Variants in PRAP1 observed in about 807,000 individuals in gnomAD.
The protein encoded by PRAP1 is proline-rich acidic protein 1.
PRAP1 carries 12 observed loss-of-function variants against 14.6 expected under a neutral mutation model. The ratio of observed to expected loss-of-function variants is 0.82; its 90% CI spans 0.53 to 1.33. PRAP1 has a LOEUF of 1.33. Among genes scored for constraint, PRAP1 ranks in the 40% most tolerant of loss-of-function variants. PRAP1 has a pLI of 0.00. For synonymous variants in PRAP1, 81 were observed against 80.3 expected (o/e 1.01, Z -0.04); for missense variants, 160 against 193.7 (o/e 0.83, Z 1.03).
intron 2 of PRAP1, among the ~76,000 whole-genome samples, chr10:133,350,902 AGAGCAGCTGACAACTAAGGTTG>A: frequency 1.7e-3 from 1 of 602 alleles, no homozygotes; most frequent in Non-Finnish European, 3.5e-3. Flanking sequence ...GGCTGGGCTC[AGAGCAGCTGACAACTAAGGTTG>A]GCTGGGCTCA....
intron 1 of PRAP1, among the ~76,000 whole-genome samples, chr10:133,349,607 C>G (rs1483427304): frequency 2.0e-5 from 3 of 152,262 alleles, no homozygotes; most frequent in Admixed American, 1.3e-4. Context: ...CTGAGCCCCC[C>G]AGCCGTGGCC....
At chr10:133,349,978 C>T (rs753533913) in intron 1 of PRAP1, 117 bp from the exon 2 acceptor site, 34 of 820,552 alleles carry the variant, frequency 4.1e-5, no homozygotes, top group Non-Finnish European at 6.4e-5. Flanking sequence ...AGTAAAACTA[C>T]CTGCGCTCCC....
rs1054290004 is a variant in PRAP1 at position 133,351,841 on chromosome 10, G to A, written c.129-166G>A. On this transcript the variant is annotated intron_variant, in intron 3 of 4. Coordinates refer to ENST00000433452, the MANE Select transcript of PRAP1 (RefSeq NM_145202.5). This position sits in a 1 kb window ranked among gnomAD's most constrained non-coding sequence, Gnocchi z 4.3. The stretch of plus-strand genomic sequence containing the variant: ...AGGGACGTGGTGTGGAAGCCTGGCC[G>A]GGAGCACTGGGGGCCACTCATCACT... Among the ~76,000 whole-genome samples, 4 of 152,224 alleles carry A rather than the reference G, an allele frequency of 2.6e-5. No homozygotes were observed. Among genetic ancestry groups the A allele is most frequent in the African/African-American group, 7.2e-5 (3 of 41,446 alleles).
intron 1 of PRAP1, among the ~76,000 whole-genome samples, chr10:133,349,422 C>T (rs1848641594): frequency 6.6e-6 from 1 of 152,112 alleles, no homozygotes; most frequent in African/African-American, 2.4e-5. Flanking sequence ...CACACCCGAA[C>T]ACGACACCAC....
rs747531034 is a variant in PRAP1, at chr10:133,351,132, C to T, written c.76-249C>T. 5.3e-5 allele frequency among the ~76,000 whole-genome samples: 8 copies of T among 152,164 alleles called. No homozygotes were observed. Among genetic ancestry groups the T allele is most frequent in the East Asian group, 3.9e-4 (2 of 5,194 alleles). ...TCCCAGTCCTGTGCTGCCCCAGACC[C>T]GGCCAGAATTCCAGGCCAGCTGGTC... On this transcript the variant is annotated intron_variant, in intron 2 of 4. Transcript: ENST00000433452. The surrounding 1 kb of genome is among the most constrained non-coding windows in gnomAD (Gnocchi z 4.3).
chr10:133,348,743 G>A (rs1202304905), intron 1 of PRAP1, among the ~76,000 whole-genome samples: 1 of 149,880 alleles, frequency 6.7e-6, no homozygotes, highest in Non-Finnish European at 1.5e-5. Flanking sequence ...GGCCAGGCTG[G>A]TTTCGAATGC....
chr10:133,352,058 G>T lies in PRAP1; in HGVS notation c.180G>T (p.Val60=). ...CTCCGGAGAAGGACGACCAGCTGGT[G>T]GTGCTGTTCCCTGTCCAGAAGCCGA... The part of the protein sequence containing the change: ...VEPPEKDDQL[V]VLFPVQKPKL... Residue 60 remains valine (V), a synonymous_variant, in exon 4 of 5, where the codon GTG becomes GTT. Transcript: ENST00000433452. 1 of 1,613,030 alleles carries T rather than the reference G, an allele frequency of 6.2e-7. No homozygotes were observed. The highest frequency in any genetic ancestry group is 1.3e-5 in the African/African-American group (1 of 75,028).
chr10:133,349,662 C>G (rs974074268), intron 1 of PRAP1, among the ~76,000 whole-genome samples: 1 of 152,268 alleles, frequency 6.6e-6, no homozygotes, highest in South Asian at 2.1e-4. Context: ...CAGCAGCGTG[C>G]AGCCTCAGGG....
At chr10:133,349,342 C>T (rs1848639333) in intron 1 of PRAP1, among the ~76,000 whole-genome samples, 1 of 151,476 alleles carries the variant, frequency 6.6e-6, no homozygotes, top group African/African-American at 2.4e-5. Flanking sequence ...GCACACGCAC[C>T]CCCGAACTCA....
At position 133,352,614 on chromosome 10, in the gene PRAP1, A is replaced by T; in HGVS notation, c.*174A>T. The T allele has an allele frequency of 1.7e-6, 1 of 594,142 alleles. No individual in the cohort carries two copies. Among genetic ancestry groups the T allele is most frequent in the Non-Finnish European group, 3.0e-6 (1 of 333,492 alleles). The allele number at this position is 594,142 out of a possible 1,614,324, so 36.8% of individuals were successfully genotyped here. ...CGAGGCAGGCGGATCACCTGAAATC[A>T]GGAGTTCCAGACCAGCCTGGGCAAC... On this transcript the variant is annotated 3_prime_UTR_variant, in exon 5 of 5. Coordinates refer to ENST00000433452, the MANE Select transcript of PRAP1 (RefSeq NM_145202.5).
In PRAP1 at chr10:133,350,129, C is replaced by T; in HGVS notation, c.43C>T (p.Leu15=). The T allele has an allele frequency of 6.2e-7, 1 of 1,613,562 alleles. No individual in the cohort carries two copies. Among genetic ancestry groups the T allele is most frequent in the Non-Finnish European group, 8.5e-7 (1 of 1,179,820 alleles). Residue 15 remains leucine, a synonymous_variant, in exon 2 of 5, where the codon CTG becomes TTG. Coordinates refer to ENST00000433452, the MANE Select transcript of PRAP1 (RefSeq NM_145202.5). The part of the protein sequence containing the change: ...LLVTSLVVVL[L]WEAGAVPAPK... ...GGTCACCAGCCTGGTGGTTGTGCTG[C>T]TGTGGGAGGCAGGTGCAGTCCCAGC...
chr10:133,351,565 A>C lies in PRAP1; in HGVS notation c.128+132A>C. On this transcript the variant is annotated intron_variant, in intron 3 of 4. Transcript: ENST00000433452. This position sits in a 1 kb window ranked among gnomAD's most constrained non-coding sequence, Gnocchi z 4.3. ...GCCCTGTCCAGCAGCTTTTGGAAGGAGGGGGCACTCCAGCCTCATGGGCAT... is the reference window on the plus strand; with the variant it reads ...GCCCTGTCCAGCAGCTTTTGGAAGGCGGGGGCACTCCAGCCTCATGGGCAT... 1 of 710,996 alleles carries C rather than the reference A, an allele frequency of 1.4e-6. No individual in the cohort carries two copies. The highest frequency in any genetic ancestry group is 2.4e-6 in the Non-Finnish European group (1 of 417,504). 44.0% of individuals were successfully genotyped at this position (710,996 alleles called of 1,614,324 possible). A position where few individuals can be genotyped will look rare whatever the true frequency, so the allele number is the denominator to read the frequency against.
At chr10:133,350,018 T>C in intron 1 of PRAP1, 77 bp from the exon 2 acceptor site, 1 of 1,353,520 alleles carries the variant, frequency 7.4e-7, no homozygotes, top group Admixed American at 1.9e-5. Context: ...GCCTCCCAGC[T>C]GCCCATCAGG....
Position 133,347,432 on chromosome 10 carries a change from C to T in PRAP1, c.8+7C>T. 3 of 1,611,328 alleles carry T rather than the reference C, an allele frequency of 1.9e-6. No individual in the cohort carries two copies. Among genetic ancestry groups the T allele is most frequent in the Non-Finnish European group, 2.5e-6 (3 of 1,178,488 alleles). The stretch of plus-strand genomic sequence containing the variant: ...GGACCCCAGACATGAGGAGGTAATG[C>T]CACCATCCCTGAGCCCCAATCCCCA... On this transcript the variant is annotated splice_region_variant and intron_variant, in intron 1 of 4. Coordinates refer to ENST00000433452, the MANE Select transcript of PRAP1 (RefSeq NM_145202.5). The surrounding 1 kb of genome is among the most constrained non-coding windows in gnomAD (Gnocchi z 5.0).
intron 1 of PRAP1, among the ~76,000 whole-genome samples, chr10:133,349,237 A>G (rs1425666540): frequency 6.6e-6 from 1 of 151,044 alleles, no homozygotes; most frequent in Non-Finnish European, 1.5e-5. Context: ...ACATGCACAC[A>G]CAGCACACAC....
At position 133,352,501 on chromosome 10, in the gene PRAP1, C is replaced by A; in HGVS notation, c.*61C>A. ...AAGGCCCAGGCTGTTGGGACTGGGA[C>A]CCTCCCTACCCTGCCCCAGCTAGAC... On this transcript the variant is annotated 3_prime_UTR_variant, in exon 5 of 5. Coordinates refer to ENST00000433452, the MANE Select transcript of PRAP1 (RefSeq NM_145202.5). The A allele has an allele frequency of 7.1e-7, 1 of 1,416,044 alleles. No individual in the cohort carries two copies. The allele number at this position is 1,416,044 out of a possible 1,614,324, so 87.7% of individuals were successfully genotyped here.
At position 133,351,492 on chromosome 10, in the gene PRAP1, G is replaced by T; in HGVS notation, c.128+59G>T. ...ATTCCCTGAAGCTACAGCCCGTTCTGCTGGGCCCTTCCTGAACCTGGAGAG... is the reference window on the plus strand; with the variant it reads ...ATTCCCTGAAGCTACAGCCCGTTCTTCTGGGCCCTTCCTGAACCTGGAGAG... On this transcript the variant is annotated intron_variant, in intron 3 of 4. Transcript: ENST00000433452. This position sits in a 1 kb window ranked among gnomAD's most constrained non-coding sequence, Gnocchi z 4.3. The T allele has an allele frequency of 7.4e-7, 1 of 1,353,432 alleles. No individual in the cohort carries two copies. Among genetic ancestry groups the T allele is most frequent in the Non-Finnish European group, 1.0e-6 (1 of 966,544 alleles). The allele number at this position is 1,353,432 out of a possible 1,614,324, so 83.8% of individuals were successfully genotyped here.
chr10:133,352,310 A>G lies in PRAP1; in HGVS notation c.326A>G (p.His109Arg), dbSNP rs199505503. ...LGHVLSPEPD[H>R]DSLYHPPPEE... is the part of the protein sequence containing the mutation. ...CATGTCCTGAGTCCCGAGCCCGACC[A>G]TGACAGCCTGTACCACCCTCCGCCT... Residue 109 changes from histidine to arginine, a missense_variant, in exon 5 of 5, where the codon CAT (histidine) becomes CGT (arginine). His to Arg is a conservative substitution (Grantham distance 29). Coordinates refer to ENST00000433452, the MANE Select transcript of PRAP1 (RefSeq NM_145202.5). 2.5e-6 allele frequency: 4 copies of G among 1,613,116 alleles called. No homozygotes were observed. Among genetic ancestry groups the G allele is most frequent in the Middle Eastern group, 1.6e-4 (1 of 6,062 alleles).
At chr10:133,350,270 G>A in intron 2 of PRAP1, 109 bp downstream of exon 2, 5 of 955,032 alleles carry the variant, frequency 5.2e-6, no homozygotes, top group Non-Finnish European at 8.0e-6. Flanking sequence ...ACCCCAAGCT[G>A]GCTTAGGGGA....
Sources: allele counts gnomAD v4.1 joint callset (sites outside exome capture counted in the v4.1 genomes callset), GRCh38; gene constraint gnomAD v4.1.1; non-coding constraint Gnocchi (gnomAD v3.1); transcripts MANE v1.5; gene names NCBI Gene and HGNC (gene_info 2026-07-23, HGNC 2026-07-21).